CPQ: variants seen among roughly 807,000 people sequenced by gnomAD.
CPQ encodes Ser-Met dipeptidase.
Under a neutral mutation model 45.7 loss-of-function variants are expected in CPQ, and 37 were observed. That is an observed-to-expected ratio of 0.81 (90% CI 0.62 to 1.07). The LOEUF is 1.07. CPQ is among the 50% of genes least tolerant of loss of function. The pLI is 0.00. For synonymous variants in CPQ, 186 were observed against 205.8 expected (o/e 0.90, Z 0.82); for missense variants, 537 against 572.9 (o/e 0.94, Z 0.64).
At chr8:97,034,380 C>T (rs1013523974) in intron 6 of CPQ, among the ~76,000 whole-genome samples, 1 of 152,158 alleles carries the variant, frequency 6.6e-6, no homozygotes, top group African/African-American at 2.4e-5. Context: ...TGCAAGTTCA[C>T]ATGTTTCAAT....
chr8:96,949,483 A>G (rs1019202411), intron 4 of CPQ, among the ~76,000 whole-genome samples: 2 of 151,748 alleles, frequency 1.3e-5, no homozygotes, highest in Non-Finnish European at 2.9e-5. Flanking sequence ...CCCAGGTTTT[A>G]TTATGTTCTA....
intron 1 of CPQ, among the ~76,000 whole-genome samples, chr8:96,681,109 G>A (rs1809144512): frequency 6.6e-6 from 1 of 152,146 alleles, no homozygotes; most frequent in Non-Finnish European, 1.5e-5. Context: ...CAATAGAAAA[G>A]ATAATCTCAT....
intron 4 of CPQ, among the ~76,000 whole-genome samples, chr8:96,938,311 C>G (rs542211012): frequency 6.6e-6 from 1 of 152,074 alleles, no homozygotes; most frequent in Admixed American, 6.6e-5. Flanking sequence ...GTGGAAGAAT[C>G]GCTTGAGGCT....
chr8:96,877,193 C>T (rs997468045), intron 3 of CPQ, among the ~76,000 whole-genome samples: 2 of 151,876 alleles, frequency 1.3e-5, no homozygotes, highest in African/African-American at 4.8e-5. Context: ...CTTCATTTTG[C>T]CTCCTTCTAT....
At chr8:96,701,987 C>A (rs1358230437) in intron 1 of CPQ, among the ~76,000 whole-genome samples, 1 of 152,188 alleles carries the variant, frequency 6.6e-6, no homozygotes, top group Non-Finnish European at 1.5e-5. Context: ...TTGGCATTGT[C>A]AGTTTTTCAT....
chr8:96,807,691 C>A (rs1433308131), intron 2 of CPQ, among the ~76,000 whole-genome samples: 1 of 152,094 alleles, frequency 6.6e-6, no homozygotes. Flanking sequence ...CAATATCTGA[C>A]CTTTTCTTCT....
intron 5 of CPQ, among the ~76,000 whole-genome samples, chr8:96,999,732 A>G (rs1199596510): frequency 1.3e-5 from 2 of 152,036 alleles, no homozygotes; most frequent in African/African-American, 2.4e-5. Context: ...AGAATGATTT[A>G]TATTCTTTTG....
intron 2 of CPQ, among the ~76,000 whole-genome samples, chr8:96,793,110 G>A (rs954980728): frequency 2.0e-5 from 3 of 151,882 alleles, no homozygotes; most frequent in East Asian, 1.9e-4. Context: ...TATACATAAT[G>A]AATGATGATA....
chr8:96,760,000 C>T (rs1810378549), intron 1 of CPQ, among the ~76,000 whole-genome samples: 1 of 152,178 alleles, frequency 6.6e-6, no homozygotes, highest in Non-Finnish European at 1.5e-5. Flanking sequence ...TCCTAGTATA[C>T]CTAGGACTAT....
At chr8:96,855,016 T>G (rs183093014) in intron 3 of CPQ, among the ~76,000 whole-genome samples, 1 of 152,338 alleles carries the variant, frequency 6.6e-6, no homozygotes, top group East Asian at 1.9e-4. Context: ...TAAAACATTC[T>G]GAAATTCAAG....
At chr8:96,742,722 C>A (rs1810110691) in intron 1 of CPQ, among the ~76,000 whole-genome samples, 1 of 152,136 alleles carries the variant, frequency 6.6e-6, no homozygotes, top group African/African-American at 2.4e-5. Context: ...TTTTATTTCT[C>A]CTTAACTTAT....
intron 1 of CPQ, among the ~76,000 whole-genome samples, chr8:96,779,995 C>T (rs1810666806): frequency 6.6e-6 from 1 of 152,154 alleles, no homozygotes; most frequent in African/African-American, 2.4e-5. Flanking sequence ...ACTTTTTACT[C>T]TTACAGCTTA....
At chr8:96,716,269 T>G (rs112703262) in intron 1 of CPQ, among the ~76,000 whole-genome samples, 3,145 of 152,276 alleles carry the variant, frequency 0.021, 121 homozygotes, top group African/African-American at 0.072. Context: ...CAGTGGATTT[T>G]TTGTTGTTGT....
chr8:96,880,968 T>C (rs1812216264), intron 4 of CPQ, among the ~76,000 whole-genome samples: 1 of 152,022 alleles, frequency 6.6e-6, no homozygotes. Flanking sequence ...GCAGGAGTAA[T>C]TGAAGGACAG....
intron 4 of CPQ, among the ~76,000 whole-genome samples, chr8:96,889,168 T>C (rs1477739417): frequency 6.6e-6 from 1 of 152,218 alleles, no homozygotes; most frequent in Non-Finnish European, 1.5e-5. Flanking sequence ...GAAGGCACTG[T>C]AGAGTTTTAG....
At chr8:96,683,603 T>C (rs1222766691) in intron 1 of CPQ, among the ~76,000 whole-genome samples, 1 of 152,164 alleles carries the variant, frequency 6.6e-6, no homozygotes, top group Non-Finnish European at 1.5e-5. Context: ...ATTATTCTGT[T>C]AAACAGGTTT....
At chr8:96,667,639 G>A (rs1205102579) in intron 1 of CPQ, among the ~76,000 whole-genome samples, 3 of 151,996 alleles carry the variant, frequency 2.0e-5, no homozygotes, top group Admixed American at 6.6e-5. Flanking sequence ...GTGAGCCACC[G>A]CACCTGGCCT....
At chr8:97,001,833 C>T (rs1809288644) in intron 5 of CPQ, among the ~76,000 whole-genome samples, 1 of 149,828 alleles carries the variant, frequency 6.7e-6, no homozygotes, top group African/African-American at 2.5e-5. Flanking sequence ...GGAATAGCTC[C>T]AGTAAGAATG....
rs564077648 is a variant in CPQ, at chr8:96,899,688, C to T, written c.849+19683C>T. On this transcript the variant is annotated intron_variant, in intron 4 of 7. Coordinates refer to ENST00000220763, the MANE Select transcript of CPQ (RefSeq NM_016134.4). ...TCACTATTGCAAAGGCAGCACCAAG[C>T]CATGAGGAATCTTCCCCCATGATCC... 2.1e-5 allele frequency among the ~76,000 whole-genome samples: 3 copies of T among 145,888 alleles called. No homozygotes were observed. In the Admixed American group the frequency reaches 2.1e-4, roughly 10 times the overall value.
Sources: gnomAD v4.1 joint callset for allele counts (sites outside exome capture counted in the v4.1 genomes callset) on GRCh38, gnomAD v4.1.1 for gene constraint, MANE v1.5 for transcripts, NCBI Gene and HGNC (gene_info 2026-07-23, HGNC 2026-07-21) for gene names.